Variants in KLF13 observed in about 807,000 individuals in gnomAD.
The protein encoded by KLF13 is KLF transcription factor 13.
KLF13 carries 8 observed loss-of-function variants against 16.7 expected under a neutral mutation model. The ratio of observed to expected loss-of-function variants is 0.48; its 90% CI spans 0.28 to 0.87. The LOEUF (loss-of-function observed/expected upper bound fraction) is 0.87, where lower values mean the gene tolerates loss of function less well. KLF13 is among the 40% of genes least tolerant of loss of function. The probability of loss-of-function intolerance (pLI) is 0.10; values close to 1 mark genes in which losing one functional copy is unlikely to be tolerated. For synonymous variants in KLF13, 245 were observed against 208.4 expected (o/e 1.18, Z -1.51); for missense variants, 447 against 452.2 (o/e 0.99, Z 0.10).
At chr15:31,392,492 G>C (rs2039886019), upstream of KLF13, among the ~76,000 whole-genome samples, 1 of 152,092 alleles carries the variant, frequency 6.6e-6, no homozygotes, top group Non-Finnish European at 1.5e-5. Flanking sequence ...CTTTTCCCCC[G>C]GGTCCCCTGC....
At chr15:31,378,583 G>A (rs1054821353), downstream of KLF13, among the ~76,000 whole-genome samples, 12 of 152,288 alleles carry the variant, frequency 7.9e-5, no homozygotes, top group African/African-American at 2.6e-4. Flanking sequence ...GGTCTGGCCC[G>A]AACCCTGTTC....
downstream of KLF13, among the ~76,000 whole-genome samples, chr15:31,406,531 AAAAG>A (rs1244067325): frequency 1.3e-5 from 2 of 152,218 alleles, no homozygotes; most frequent in Non-Finnish European, 2.9e-5. Flanking sequence ...TGAACAGAAA[AAAAG>A]AAAGAATGGA....
At chr15:31,350,725 C>A (rs573723741) in intron 1 of KLF13, among the ~76,000 whole-genome samples, 2 of 152,194 alleles carry the variant, frequency 1.3e-5, no homozygotes, top group East Asian at 3.9e-4. Flanking sequence ...TTGAAGGATC[C>A]GCAAGGAAGC....
chr15:31,335,350 G>A (rs1566802722), intron 1 of KLF13, among the ~76,000 whole-genome samples: 1 of 151,800 alleles, frequency 6.6e-6, no homozygotes, highest in Non-Finnish European at 1.5e-5. Flanking sequence ...ACCGGCTCCT[G>A]TGTCCTCCAC....
chr15:31,345,390 G>A (rs868254106), intron 1 of KLF13, among the ~76,000 whole-genome samples: 10 of 152,188 alleles, frequency 6.6e-5, no homozygotes, highest in African/African-American at 1.9e-4. Flanking sequence ...CTGTGCCCCC[G>A]CCTCAGCCTG....
intron 1 of KLF13, 44 bp from the exon 2 acceptor site, chr15:31,371,966 C>A: frequency 6.5e-7 from 1 of 1,540,094 alleles, no homozygotes; most frequent in South Asian, 1.2e-5. Context: ...GGTGTGAAGG[C>A]GGGGCCAGGT....
In KLF13 at chr15:31,346,173, C is replaced by T. The variant is rs866482291; in HGVS notation, c.577+18384C>T. ...CAGAACACCAGGTCAATGATCTTGA[C>T]TCTGTTTCTGGGAAGATTACCCATC... On this transcript the variant is annotated intron_variant, in intron 1 of 1. Transcript: ENST00000307145. 4.6e-5 allele frequency among the ~76,000 whole-genome samples: 7 copies of T among 152,150 alleles called. No homozygotes were observed. In the South Asian group the frequency reaches 1.5e-3, roughly 32 times the overall value.
chr15:31,406,035 A>G (rs888379001), downstream of KLF13, among the ~76,000 whole-genome samples: 9 of 152,242 alleles, frequency 5.9e-5, no homozygotes, highest in Non-Finnish European at 1.5e-5. Flanking sequence ...GTTTAGAGAC[A>G]TTAAAAATGT....
intron 1 of KLF13, among the ~76,000 whole-genome samples, chr15:31,427,233 T>C (rs1395640227): frequency 1.3e-5 from 2 of 152,028 alleles, no homozygotes; most frequent in African/African-American, 4.8e-5. Context: ...TCTAAGTATA[T>C]GAAAAGATGC....
chr15:31,350,008 G>A (rs377097826), intron 1 of KLF13, among the ~76,000 whole-genome samples: 105 of 152,212 alleles, frequency 6.9e-4, no homozygotes, highest in Non-Finnish European at 1.4e-3. Context: ...AGCCTTTGCC[G>A]AATTTGTGCT....
At chr15:31,406,938 G>A (rs1380990442), downstream of KLF13, among the ~76,000 whole-genome samples, 3 of 152,064 alleles carry the variant, frequency 2.0e-5, no homozygotes, top group Non-Finnish European at 2.9e-5. Flanking sequence ...ATTACATTGG[G>A]CTCCCTGGGA....
intron 1 of KLF13, among the ~76,000 whole-genome samples, chr15:31,362,201 G>C (rs575455034): frequency 7.9e-5 from 12 of 152,256 alleles, no homozygotes; most frequent in African/African-American, 2.6e-4. Context: ...TAAATCCTTT[G>C]CTGAATATTT....
chr15:31,356,416 G>A (rs1347040329), intron 1 of KLF13, among the ~76,000 whole-genome samples: 1 of 152,232 alleles, frequency 6.6e-6, no homozygotes, highest in African/African-American at 2.4e-5. Context: ...GCTGGGCGTG[G>A]TGGCGGGCGC....
At chr15:31,360,402 G>A (rs974314071) in intron 1 of KLF13, among the ~76,000 whole-genome samples, 4 of 152,178 alleles carry the variant, frequency 2.6e-5, no homozygotes, top group Admixed American at 6.5e-5. Flanking sequence ...CTTAGGCTGC[G>A]ACAAGCCTGA....
upstream of KLF13, among the ~76,000 whole-genome samples, chr15:31,389,971 C>G (rs537132560): frequency 4.0e-4 from 61 of 152,278 alleles, no homozygotes; most frequent in African/African-American, 1.3e-3. Flanking sequence ...AACTGAAAAT[C>G]CTATCCTATG....
At chr15:31,347,414 C>T (rs149560028) in intron 1 of KLF13, among the ~76,000 whole-genome samples, 17 of 152,252 alleles carry the variant, frequency 1.1e-4, no homozygotes, top group South Asian at 4.1e-4. Flanking sequence ...CAGGCTTTGC[C>T]GCACGTGGGT....
upstream of KLF13, among the ~76,000 whole-genome samples, chr15:31,391,491 C>G (rs8025401): frequency 6.6e-6 from 1 of 151,330 alleles, no homozygotes; most frequent in Non-Finnish European, 1.5e-5. Context: ...GTCTGCTCGC[C>G]GCATTTTAAC....
intron 1 of KLF13, chr15:31,339,978 G>A (rs183367285): frequency 5.6e-4 from 396 of 702,402 alleles, no homozygotes; most frequent in Non-Finnish European, 9.4e-4. Flanking sequence ...CTGCCCCATG[G>A]AGGAGCCAGG....
chr15:31,405,297 A>G (rs533330346), downstream of KLF13, among the ~76,000 whole-genome samples: 2 of 152,300 alleles, frequency 1.3e-5, no homozygotes, highest in Non-Finnish European at 2.9e-5. Context: ...CTGGCCAACA[A>G]AACGAGACTC....
Sources: gnomAD v4.1 joint callset for allele counts (sites outside exome capture counted in the v4.1 genomes callset) on GRCh38, gnomAD v4.1.1 for gene constraint, MANE v1.5 for transcripts, NCBI Gene and HGNC (gene_info 2026-07-23, HGNC 2026-07-21) for gene names.